DNAJB1: variants seen among roughly 807,000 people sequenced by gnomAD.
DNAJB1 encodes the protein dnaJ homolog subfamily B member 1.
A neutral mutation model predicts 24.0 loss-of-function variants in DNAJB1; 14 were observed. The ratio of observed to expected loss-of-function variants is 0.58; its 90% CI spans 0.39 to 0.91. The LOEUF is 0.91. Among genes scored for constraint, DNAJB1 ranks in the 40% least tolerant of loss-of-function variants. The probability of loss-of-function intolerance (pLI) is 0.00; values close to 1 mark genes in which losing one functional copy is unlikely to be tolerated. For missense variants in DNAJB1, 517 were observed against 458.1 expected, an observed-to-expected ratio of 1.13 and a Z score of -1.17; for synonymous variants, 262 against 174.4, an observed-to-expected ratio of 1.50 and a Z score of -3.96.
Position 14,518,356 on chromosome 19 carries a change from C to T in DNAJB1, c.-7G>A, listed in dbSNP as rs765324913. The T allele has an allele frequency of 1.0e-5, 16 of 1,549,902 alleles. No individual in the cohort carries two copies. Among genetic ancestry groups the T allele is most frequent in the Non-Finnish European group, 1.2e-5 (14 of 1,156,678 alleles). On this transcript the variant is annotated 5_prime_UTR_variant, in exon 1 of 3. Coordinates refer to ENST00000254322, the MANE Select transcript of DNAJB1 (RefSeq NM_006145.3). ...GGTAGTAGTCTTTACCCATGACCCC[C>T]TCCTGCGGCCCGCCGACCCGCTGTC...
chr19:14,528,561 T>A (rs2072491109), intron 1 of DNAJB1, among the ~76,000 whole-genome samples: 2 of 152,042 alleles, frequency 1.3e-5, no homozygotes, highest in Non-Finnish European at 2.9e-5. Context: ...TTTCAAGGGC[T>A]CAGTGGCCCC....
At chr19:14,549,835 C>T (rs1054545096) in intron 1 of DNAJB1, among the ~76,000 whole-genome samples, 2 of 151,810 alleles carry the variant, frequency 1.3e-5, no homozygotes, top group Non-Finnish European at 2.9e-5. Flanking sequence ...CCCAGCTACT[C>T]AGGAGGCTGA....
upstream of DNAJB1, among the ~76,000 whole-genome samples, chr19:14,519,292 C>G (rs2072335398): frequency 6.6e-6 from 1 of 152,156 alleles, no homozygotes; most frequent in African/African-American, 2.4e-5. Flanking sequence ...TAGCTTGAAT[C>G]GGGGAGGCGG....
At chr19:14,529,708 C>G, upstream of DNAJB1, 1 of 1,614,130 alleles carries the variant, frequency 6.2e-7, no homozygotes, top group Non-Finnish European at 8.5e-7. Context: ...TGAAGCATTA[C>G]GAGGTAAGAA....
At chr19:14,536,629 G>A (rs539345617) in intron 1 of DNAJB1, 1 of 152,202 alleles carries the variant, frequency 6.6e-6, no homozygotes, top group Admixed American at 6.5e-5. Context: ...GGCTGACATT[G>A]GCTGATGGTG....
chr19:14,535,472 A>G (rs2072829427), intron 1 of DNAJB1, among the ~76,000 whole-genome samples: 1 of 122,044 alleles, frequency 8.2e-6, no homozygotes, highest in Non-Finnish European at 1.6e-5. Flanking sequence ...GCGCCACTGC[A>G]CTCCAGCCTG....
At chr19:14,539,860 G>T (rs1467911512) in intron 1 of DNAJB1, among the ~76,000 whole-genome samples, 1 of 146,756 alleles carries the variant, frequency 6.8e-6, no homozygotes, top group Non-Finnish European at 1.5e-5. Context: ...GCCCATCTGG[G>T]CTTGGGTTGT....
upstream of DNAJB1, chr19:14,529,429 G>GC (rs926354904): frequency 9.8e-6 from 6 of 611,656 alleles, no homozygotes; most frequent in African/African-American, 1.8e-5. Flanking sequence ...CAGGCGTTCC[G>GC]CCCCCTTCGA....
chr19:14,541,372 C>T (rs1421658961), intron 1 of DNAJB1, among the ~76,000 whole-genome samples: 5 of 152,126 alleles, frequency 3.3e-5, no homozygotes, highest in Non-Finnish European at 1.5e-5. Context: ...CCTGGCACAG[C>T]GGCCCTTCTG....
intron 1 of DNAJB1, among the ~76,000 whole-genome samples, chr19:14,557,633 G>T (rs996990208): frequency 3.7e-4 from 53 of 144,748 alleles, no homozygotes; most frequent in Non-Finnish European, 5.9e-4. Context: ...TGTATCTTTG[G>T]TAGAGACGGG....
At chr19:14,540,767 G>C (rs1324134700) in intron 1 of DNAJB1, among the ~76,000 whole-genome samples, 1 of 152,128 alleles carries the variant, frequency 6.6e-6, no homozygotes, top group Non-Finnish European at 1.5e-5. Context: ...GATCTTAAGT[G>C]ATCTGCCGGC....
Position 14,516,061 on chromosome 19 carries a change from C to T in DNAJB1, c.902G>A (p.Gly301Asp). Residue 301 changes from glycine to aspartate, a missense_variant, in exon 3 of 3, where the codon GGC becomes GAC. Physicochemically the swap from Gly to Asp is moderately conservative, Grantham distance 94. Transcript: ENST00000254322. ...CTCGGGTGTTTTGGGGAGGGGGAGG[C>T]CTTCTCCAGGAACTTTTCGCCGCAT... ...PGMRRKVPGE[G>D]LPLPKTPEKR... The T allele has an allele frequency of 6.2e-7, 1 of 1,613,544 alleles. No individual in the cohort carries two copies. Among genetic ancestry groups the T allele is most frequent in the Non-Finnish European group, 8.5e-7 (1 of 1,179,776 alleles).
At chr19:14,554,282 C>T (rs989228256), upstream of DNAJB1, among the ~76,000 whole-genome samples, 1 of 152,144 alleles carries the variant, frequency 6.6e-6, no homozygotes, top group Non-Finnish European at 1.5e-5. Flanking sequence ...AACTGTTGGT[C>T]GCTGTTCTCA....
chr19:14,542,623 A>T (rs761464179), intron 1 of DNAJB1, among the ~76,000 whole-genome samples: 3 of 152,016 alleles, frequency 2.0e-5, no homozygotes, highest in African/African-American at 7.2e-5. Context: ...TGGCCTCCCA[A>T]AGTGTTGGGA....
At chr19:14,528,232 C>T (rs970642112) in intron 1 of DNAJB1, among the ~76,000 whole-genome samples, 10 of 149,894 alleles carry the variant, frequency 6.7e-5, no homozygotes, top group African/African-American at 9.8e-5. Context: ...TTGGACCAGT[C>T]CCATTTCTTT....
Position 14,545,506 on chromosome 19 carries a change from G to A in DNAJB1, c.-214+4702C>T, listed in dbSNP as rs115781502. 8.4e-3 allele frequency among the ~76,000 whole-genome samples: 1,282 copies of A among 152,254 alleles called. 11 individuals carry two copies. Among genetic ancestry groups the A allele is most frequent in the African/African-American group, 0.026 (1,098 of 41,532 alleles). On this transcript the variant is annotated intron_variant, in intron 1 of 3. Coordinates refer to the DNAJB1 transcript ENST00000676982. ...GTCCCCTTGAGCACCAGCAAGCCTA[G>A]GGGGTGGGGGGGATAGCCTCTCTCA...
intron 2 of DNAJB1, among the ~76,000 whole-genome samples, chr19:14,525,803 T>C (rs1209898479): frequency 2.8e-5 from 4 of 145,310 alleles, no homozygotes; most frequent in Non-Finnish European, 6.0e-5. Flanking sequence ...TACACTTCAA[T>C]GAAAAAAAAA....
chr19:14,557,181 CCAGGCTGGAGTGCAATGG>C (rs1418668733), intron 1 of DNAJB1, among the ~76,000 whole-genome samples: 1 of 147,774 alleles, frequency 6.8e-6, no homozygotes, highest in East Asian at 2.0e-4. Context: ...GCTGTGTCGC[CCAGGCTGGAGTGCAATGG>C]CATAAACTCA....
At position 14,535,756 on chromosome 19, in the gene DNAJB1, C is replaced by CAAAAAAAA. The variant is rs1161257175; in HGVS notation, c.-213-7954_-213-7947dup. ...TGGGCAACAGAGTGAGACTCTGTCT[C>CAAAAAAAA]AAAAAAAAAAAAAAAAAAAAAGGGA... On this transcript the variant is annotated intron_variant, in intron 1 of 3. Coordinates refer to the DNAJB1 transcript ENST00000676982. Among the ~76,000 whole-genome samples the CAAAAAAAA allele has an allele frequency of 1.9e-4, 10 of 51,944 alleles. 1 individual carries two copies. The highest frequency in any genetic ancestry group is 5.5e-4 in the Admixed American group (2 of 3,616). The allele number at this position is 51,944 out of a possible 152,430, so 34.1% of individuals were successfully genotyped here. A position where few individuals can be genotyped will look rare whatever the true frequency, so the allele number is the denominator to read the frequency against.
Sources: allele counts gnomAD v4.1 joint callset (sites outside exome capture counted in the v4.1 genomes callset), GRCh38; gene constraint gnomAD v4.1.1; transcripts MANE v1.5; gene names NCBI Gene and HGNC (gene_info 2026-07-23, HGNC 2026-07-21).